The following LRP12 variants were observed in gnomAD, a reference collection of about 807,000 sequenced individuals.
LRP12 encodes the protein low-density lipoprotein receptor-related protein 12.
A neutral mutation model predicts 66.0 loss-of-function variants in LRP12; 14 were observed. The ratio of observed to expected loss-of-function variants is 0.21; its 90% CI spans 0.14 to 0.33. LRP12 has a LOEUF of 0.33. LRP12 is among the 10% of genes least tolerant of loss of function. The probability of loss-of-function intolerance (pLI) is 1.00; values close to 1 mark genes in which losing one functional copy is unlikely to be tolerated. For missense variants in LRP12, 889 were observed against 1,053.4 expected, an observed-to-expected ratio of 0.84 and a Z score of 2.16; for synonymous variants, 357 against 359.1, an observed-to-expected ratio of 0.99 and a Z score of 0.07.
At position 104,490,986 on chromosome 8, in the gene LRP12, G is replaced by C. The variant is rs144644020; in HGVS notation, c.2267C>G (p.Pro756Arg). 6 of 1,613,926 alleles carry C rather than the reference G, an allele frequency of 3.7e-6. No homozygotes were observed. Among genetic ancestry groups the C allele is most frequent in the Non-Finnish European group, 5.1e-6 (6 of 1,180,014 alleles). Reference protein sequence around the residue: ...RSSSLSQNQSPLRQLDNGVSG... With the variant: ...RSSSLSQNQSRLRQLDNGVSG... ...TACCCCATTATCAAGTTGTCTCAAAGGACTCTGGTTCTGACTTAGGGAACT... is the reference window on the plus strand; with the variant it reads ...TACCCCATTATCAAGTTGTCTCAAACGACTCTGGTTCTGACTTAGGGAACT... The change falls in exon 7 of 7, where the codon CCT (proline) becomes CGT (arginine). Residue 756 changes from proline (P) to arginine (R), a missense_variant. By Grantham distance (103) the Pro-to-Arg change is moderately radical. This residue lies in a region of LRP12 where 800 missense variants were observed against 964.5 expected (regional missense o/e 0.83). Transcript: ENST00000276654.
intron 1 of LRP12, among the ~76,000 whole-genome samples, chr8:104,551,947 G>T (rs557401408): frequency 6.6e-6 from 1 of 152,216 alleles, no homozygotes; most frequent in South Asian, 2.1e-4. Flanking sequence ...TTGGAATTAG[G>T]CATGAAACAT....
chr8:104,579,473 A>G (rs1365951201), intron 1 of LRP12, among the ~76,000 whole-genome samples: 1 of 152,226 alleles, frequency 6.6e-6, no homozygotes, highest in Non-Finnish European at 1.5e-5. Flanking sequence ...ATGGGTAAGA[A>G]GAATCAATAC....
Position 104,502,991 on chromosome 8 carries a change from C to T in LRP12, c.273-3472G>A, listed in dbSNP as rs544829798. Among the ~76,000 whole-genome samples the T allele has an allele frequency of 9.3e-4, 142 of 152,168 alleles. 1 individual carries two copies. The highest frequency in any genetic ancestry group is 3.3e-3 in the African/African-American group (138 of 41,508). ...CCTGAGGTCAGAAGTTCGAGACCAA[C>T]CTGGCCAACAAGGTGAAACCCTATC... is the stretch of plus-strand genomic sequence containing the variant. On this transcript the variant is annotated intron_variant, in intron 3 of 6. Transcript: ENST00000276654.
intron 1 of LRP12, among the ~76,000 whole-genome samples, chr8:104,547,612 A>G (rs1313521684): frequency 8.1e-6 from 1 of 123,074 alleles, no homozygotes; most frequent in African/African-American, 3.4e-5. Flanking sequence ...TTATTAATAT[A>G]TAATATATTA....
intron 2 of LRP12, among the ~76,000 whole-genome samples, chr8:104,529,577 C>A (rs1811294816): frequency 6.6e-6 from 1 of 152,162 alleles, no homozygotes; most frequent in Non-Finnish European, 1.5e-5. Context: ...TAAGTATAAT[C>A]TAAAATTCAG....
intron 1 of LRP12, chr8:104,566,224 A>G (rs1040345068): frequency 1.6e-6 from 1 of 639,154 alleles, no homozygotes. Context: ...TAGAAAGTAT[A>G]CAGAACAGAT....
chr8:104,490,632 T>G lies in LRP12; in HGVS notation c.*41A>C. 6.5e-7 allele frequency: 1 copy of G among 1,530,450 alleles called. No homozygotes were observed. Among genetic ancestry groups the G allele is most frequent in the Non-Finnish European group, 8.8e-7 (1 of 1,142,264 alleles). 94.8% of individuals were successfully genotyped at this position (1,530,450 alleles called of 1,614,324 possible). ...AAAGTTACAAAATAATAAATGGATA[T>G]TGCTCCAACTTGTATACAATCTCCC... On this transcript the variant is annotated 3_prime_UTR_variant, in exon 7 of 7. Transcript: ENST00000276654.
intron 1 of LRP12, among the ~76,000 whole-genome samples, chr8:104,580,244 C>T (rs952659220): frequency 4.6e-5 from 7 of 151,576 alleles, no homozygotes; most frequent in Admixed American, 2.6e-4. Context: ...AGGCTGGGTG[C>T]GGTGGCTCAC....
At chr8:104,500,609 A>C (rs1314682121) in intron 3 of LRP12, among the ~76,000 whole-genome samples, 1 of 152,210 alleles carries the variant, frequency 6.6e-6, no homozygotes, top group Admixed American at 6.5e-5. Context: ...AGGCTGAGGC[A>C]GGAGAATCTC....
intron 1 of LRP12, among the ~76,000 whole-genome samples, chr8:104,561,830 T>C (rs1416765323): frequency 1.3e-5 from 2 of 152,178 alleles, no homozygotes; most frequent in South Asian, 4.1e-4. Flanking sequence ...CTTTGGTAGC[T>C]TCCTTGCTTT....
At chr8:104,571,060 A>G (rs1266186589) in intron 1 of LRP12, among the ~76,000 whole-genome samples, 3 of 152,200 alleles carry the variant, frequency 2.0e-5, no homozygotes, top group Admixed American at 1.3e-4. Context: ...AATATTAACA[A>G]TACCAAGTAC....
At position 104,588,970 on chromosome 8, in the gene LRP12, A is replaced by ACGCCGCCGCCGCCGC. The variant is rs879237391; in HGVS notation, c.-88_-74dup. ...GAGAAGCTGGAGGTAGACGACGCCGACGCCGCCGCCGCCGCCGCCGCCGCC... is the reference window on the plus strand; with the variant it reads ...GAGAAGCTGGAGGTAGACGACGCCGACGCCGCCGCCGCCGCCGCCGCCGCCGCCGCCGCCGCCGCC... On this transcript the variant is annotated 5_prime_UTR_variant, in exon 1 of 7. Coordinates refer to ENST00000276654, the MANE Select transcript of LRP12 (RefSeq NM_013437.5). 0.023 allele frequency: 14,090 copies of ACGCCGCCGCCGCCGC among 599,774 alleles called. 471 individuals carry two copies. The highest frequency in any genetic ancestry group is 0.11 in the Admixed American group (2,578 of 23,134). 37.2% of individuals were successfully genotyped at this position (599,774 alleles called of 1,614,324 possible).
chr8:104,553,462 T>C (rs2140882212), intron 1 of LRP12, among the ~76,000 whole-genome samples: 1 of 152,186 alleles, frequency 6.6e-6, no homozygotes, highest in East Asian at 1.9e-4. Context: ...AGGCCTGTCA[T>C]TGCTGGCTTT....
intron 1 of LRP12, among the ~76,000 whole-genome samples, chr8:104,570,853 G>C (rs1374873611): frequency 1.3e-5 from 2 of 151,832 alleles, no homozygotes; most frequent in South Asian, 2.1e-4. Flanking sequence ...TCAGAGGGGG[G>C]AAAAATATAT....
At chr8:104,498,248 C>CATGTGCAGG (rs1228046340) in intron 4 of LRP12, among the ~76,000 whole-genome samples, 172 bp from the exon 5 acceptor site, 1 of 152,132 alleles carries the variant, frequency 6.6e-6, no homozygotes, top group Non-Finnish European at 1.5e-5. Flanking sequence ...TTCCAGGGTA[C>CATGTGCAGG]ATGTGCAGGA....
intron 3 of LRP12, chr8:104,506,271 G>C (rs1810904525): frequency 6.6e-6 from 1 of 152,032 alleles, no homozygotes; most frequent in African/African-American, 2.4e-5. Context: ...CAGAATACTA[G>C]GTGGCCGTGG....
At chr8:104,537,285 G>GA (rs1474127884) in intron 1 of LRP12, among the ~76,000 whole-genome samples, 1 of 152,006 alleles carries the variant, frequency 6.6e-6, no homozygotes, top group Non-Finnish European at 1.5e-5. Context: ...CAGAAACATT[G>GA]AGAGTATCAG....
intron 5 of LRP12, 152 bp downstream of exon 5, chr8:104,496,820 G>A (rs1810735033): frequency 1.4e-6 from 1 of 717,382 alleles, no homozygotes; most frequent in African/African-American, 1.8e-5. Flanking sequence ...TGAGTCTCGG[G>A]TTTTTCACGC....
intron 1 of LRP12, among the ~76,000 whole-genome samples, chr8:104,575,610 GA>G (rs200974931): frequency 2.0e-5 from 3 of 150,714 alleles, no homozygotes; most frequent in Admixed American, 1.3e-4. Flanking sequence ...GGATAAAAGG[GA>G]AAAAAAAATC....
Sources: allele counts gnomAD v4.1 joint callset (sites outside exome capture counted in the v4.1 genomes callset), GRCh38; gene constraint gnomAD v4.1.1; regional missense constraint gnomAD v4.1.1; transcripts MANE v1.5; gene names NCBI Gene and HGNC (gene_info 2026-07-23, HGNC 2026-07-21).